The following BPTF variants were observed in gnomAD, a reference collection of about 807,000 sequenced individuals.
BPTF encodes nucleosome-remodeling factor subunit BPTF.
Under a neutral mutation model 292.5 loss-of-function variants are expected in BPTF, and 18 were observed. The ratio of observed to expected loss-of-function variants is 0.06; its 90% CI spans 0.04 to 0.09. The LOEUF is 0.09. BPTF is among the 10% of genes least tolerant of loss of function. The pLI, the probability that BPTF is intolerant of heterozygous loss-of-function variation, is 1.00. For missense variants in BPTF, 2,726 were observed against 3,498.7 expected, an observed-to-expected ratio of 0.78 and a Z score of 5.57; for synonymous variants, 1,225 against 1,251.9, an observed-to-expected ratio of 0.98 and a Z score of 0.45.
intron 1 of BPTF, among the ~76,000 whole-genome samples, chr17:67,848,760 C>G (rs998893408): frequency 1.3e-5 from 2 of 152,078 alleles, no homozygotes; most frequent in African/African-American, 4.8e-5. Flanking sequence ...AAAATTTTGT[C>G]TCAATAACTG....
At chr17:67,837,249 C>T (rs576844528) in intron 1 of BPTF, among the ~76,000 whole-genome samples, 56 of 152,144 alleles carry the variant, frequency 3.7e-4, no homozygotes, top group Admixed American at 5.9e-4. Flanking sequence ...CCTGAATGTG[C>T]TAGAGATGTA....
intron 1 of BPTF, among the ~76,000 whole-genome samples, chr17:67,833,888 A>G (rs996789633): frequency 3.3e-5 from 5 of 152,214 alleles, no homozygotes; most frequent in African/African-American, 1.2e-4. Flanking sequence ...CAGGAGTTAG[A>G]ATGAATCCTT....
rs1274163652 is a variant in BPTF, at chr17:67,831,650, T to TGGGG, written c.613+5315_613+5316insGGGG. 3.3e-5 allele frequency among the ~76,000 whole-genome samples: 5 copies of TGGGG among 152,220 alleles called. No individual in the cohort carries two copies. In the East Asian group the frequency reaches 9.7e-4, roughly 29 times the overall value. On this transcript the variant is annotated intron_variant, in intron 1 of 27. Transcript: ENST00000306378. ...CTTCCCTTTGACTAAAGACCCTTAA[T>TGGGG]GGTGGAGACATGGGGGTGAGAGACT...
At chr17:67,830,129 G>A (rs1467873286) in intron 1 of BPTF, among the ~76,000 whole-genome samples, 12 of 152,320 alleles carry the variant, frequency 7.9e-5, no homozygotes, top group Admixed American at 1.3e-4. Context: ...GGATTGTATA[G>A]GAAGTGTTTT....
rs1568126386 is a variant in BPTF, at chr17:67,940,462, C to G, written c.6283C>G (p.Gln2095Glu). The G allele has an allele frequency of 1.2e-6, 2 of 1,614,050 alleles. No individual in the cohort carries two copies. Among genetic ancestry groups the G allele is most frequent in the Non-Finnish European group, 1.7e-6 (2 of 1,179,990 alleles). The change falls in exon 19 of 28, where the codon CAA becomes GAA. Residue 2095 changes from glutamine to glutamate, a missense_variant. Gln to Glu is a conservative substitution (Grantham distance 29, BLOSUM62 2). This residue lies in a region of BPTF where 570 missense variants were observed against 633.5 expected (regional missense o/e 0.90). Coordinates refer to ENST00000306378, the MANE Select transcript of BPTF (RefSeq NM_182641.4). ...QPGAPQQVMT[Q>E]IIRGQPVSTA... The stretch of plus-strand genomic sequence containing the variant: ...AGGTGCTCCTCAGCAAGTGATGACT[C>G]AAATCATCAGGGGGCAGCCTGTCTC...
At position 67,848,818 on chromosome 17, in the gene BPTF, C is replaced by T. The variant is rs186230946; in HGVS notation, c.614-5122C>T. On this transcript the variant is annotated intron_variant, in intron 1 of 27. Transcript: ENST00000306378. ...CCTATACATTGTAACATAATTACTC[C>T]GTCGAGGTAATAAGCTATCAGGTGG... 5.9e-5 allele frequency among the ~76,000 whole-genome samples: 9 copies of T among 152,224 alleles called. No individual in the cohort carries two copies. In the East Asian group the frequency reaches 1.2e-3, roughly 20 times the overall value.
chr17:67,933,380 G>T (rs1168315443), intron 18 of BPTF, among the ~76,000 whole-genome samples: 1 of 151,856 alleles, frequency 6.6e-6, no homozygotes, highest in Non-Finnish European at 1.5e-5. Flanking sequence ...GACCAGTCTG[G>T]GCAACATAGG....
chr17:67,972,106 T>TA (rs1229489249), intron 26 of BPTF, among the ~76,000 whole-genome samples: 1 of 152,220 alleles, frequency 6.6e-6, no homozygotes, highest in Non-Finnish European at 1.5e-5. Context: ...AGGCCAGTGT[T>TA]ACCATTTTTA....
At chr17:67,969,629 A>G (rs1371480635) in intron 26 of BPTF, among the ~76,000 whole-genome samples, 11 of 146,702 alleles carry the variant, frequency 7.5e-5, no homozygotes, top group African/African-American at 2.7e-4. Context: ...TAGCTTATTT[A>G]ACCAAAATTA....
intron 11 of BPTF, among the ~76,000 whole-genome samples, chr17:67,917,620 A>G (rs1432337680): frequency 7.8e-6 from 1 of 128,688 alleles, no homozygotes; most frequent in African/African-American, 2.9e-5. Flanking sequence ...GGTTTAATTT[A>G]ATTAATTAAT....
intron 16 of BPTF, 174 bp from the exon 17 acceptor site, chr17:67,929,162 T>C (rs2064152291): frequency 7.2e-7 from 1 of 1,394,048 alleles, no homozygotes; most frequent in Non-Finnish European, 9.3e-7. Flanking sequence ...TGCCAGATCA[T>C]ACTGTTGCCA....
intron 25 of BPTF, among the ~76,000 whole-genome samples, chr17:67,964,849 A>T (rs1206540557): frequency 2.6e-5 from 4 of 151,560 alleles, no homozygotes; most frequent in Non-Finnish European, 4.4e-5. Flanking sequence ...AATACAAAAA[A>T]TTAGCTGGGC....
chr17:67,976,045 T>C, intron 27 of BPTF, 87 bp downstream of exon 27: 3 of 1,060,064 alleles, frequency 2.8e-6, no homozygotes, highest in Non-Finnish European at 2.6e-6. Flanking sequence ...CAGTGCAGTT[T>C]ATGGTAAATT....
chr17:67,976,396 T>C (rs532297177), intron 27 of BPTF, among the ~76,000 whole-genome samples: 158 of 152,220 alleles, frequency 1.0e-3, no homozygotes, highest in Admixed American at 2.7e-3. Flanking sequence ...TCACTTGAAC[T>C]TGGGAGGCGG....
intron 4 of BPTF, among the ~76,000 whole-genome samples, chr17:67,879,211 G>T (rs1038367069): frequency 6.8e-6 from 1 of 146,870 alleles, no homozygotes; most frequent in Non-Finnish European, 1.5e-5. Context: ...GTGCGATCTC[G>T]GCTCACCACA....
chr17:67,972,459 G>T (rs116432297), intron 26 of BPTF, among the ~76,000 whole-genome samples: 1,862 of 152,100 alleles, frequency 0.012, 37 homozygotes, highest in African/African-American at 0.043. Flanking sequence ...GACCAGGCTG[G>T]TCTCGAACTC....
In BPTF at chr17:67,959,814, A is replaced by G; in HGVS notation, c.8200A>G (p.Lys2734Glu). ...AAAGAAAATGATCTCTACTACCTCA[A>G]AGGAAACTAAGAAGGACACAAAGCT... ...KKKKMISTTS[K>E]ETKKDTKLYC... The change falls in exon 24 of 28, where the codon AAG becomes GAG. Residue 2734 changes from lysine to glutamate, a missense_variant. Around this residue, in one of 22 missense-constraint regions of BPTF, gnomAD observed 148 missense variants for 145.5 expected, o/e 1.02. Transcript: ENST00000306378. 1 of 1,613,776 alleles carries G rather than the reference A, an allele frequency of 6.2e-7. No homozygotes were observed. The highest frequency in any genetic ancestry group is 1.1e-5 in the South Asian group (1 of 91,042).
chr17:67,855,243 G>C (rs1472106024), intron 2 of BPTF, among the ~76,000 whole-genome samples: 1 of 152,196 alleles, frequency 6.6e-6, no homozygotes, highest in Non-Finnish European at 1.5e-5. Flanking sequence ...AGGGGCTGCA[G>C]TGAGCTGAGA....
chr17:67,976,549 A>G (rs1163385984), intron 27 of BPTF, among the ~76,000 whole-genome samples: 2 of 151,936 alleles, frequency 1.3e-5, no homozygotes, highest in African/African-American at 4.8e-5. Flanking sequence ...AACCAGGCAT[A>G]GTGGCATGCA....
Sources: gnomAD v4.1 joint callset for allele counts (sites outside exome capture counted in the v4.1 genomes callset) on GRCh38, gnomAD v4.1.1 for gene constraint, gnomAD v4.1.1 regional missense constraint, MANE v1.5 for transcripts, NCBI Gene and HGNC (gene_info 2026-07-23, HGNC 2026-07-21) for gene names.